Variants in FRMD4A observed in about 807,000 individuals in gnomAD.
FRMD4A encodes FERM domain-containing protein 4A.
Under a neutral mutation model 129.1 loss-of-function variants are expected in FRMD4A, and 29 were observed. That is an observed-to-expected ratio of 0.22 (90% CI 0.17 to 0.31). FRMD4A has a LOEUF of 0.31. Ranked by LOEUF, FRMD4A falls within the 10% of genes least tolerant of loss-of-function variation. The pLI, the probability that FRMD4A is intolerant of heterozygous loss-of-function variation, is 1.00. For synonymous variants in FRMD4A, 634 were observed against 571.6 expected (o/e 1.11, Z -1.56); for missense variants, 1,272 against 1,375.8 (o/e 0.92, Z 1.19).
At chr10:14,021,025 A>G (rs771602926) in intron 2 of FRMD4A, among the ~76,000 whole-genome samples, 2 of 152,112 alleles carry the variant, frequency 1.3e-5, no homozygotes, top group Non-Finnish European at 2.9e-5. Context: ...CTGAATCTTC[A>G]CCATGATCCT....
At chr10:14,169,264 G>A (rs968567176) in intron 2 of FRMD4A, among the ~76,000 whole-genome samples, 5 of 151,932 alleles carry the variant, frequency 3.3e-5, no homozygotes, top group East Asian at 3.9e-4. Flanking sequence ...CTGCCACTTC[G>A]ACTTCTGATT....
At chr10:13,797,199 CT>C (rs1283049359) in intron 4 of FRMD4A, among the ~76,000 whole-genome samples, 4 of 152,314 alleles carry the variant, frequency 2.6e-5, no homozygotes, top group Non-Finnish European at 4.4e-5. Context: ...CAGAACTCTC[CT>C]TCTTGTCCTG....
At chr10:14,085,977 T>C (rs1836247835) in intron 2 of FRMD4A, among the ~76,000 whole-genome samples, 2 of 152,232 alleles carry the variant, frequency 1.3e-5, no homozygotes, top group Non-Finnish European at 2.9e-5. Flanking sequence ...TCTTCCACTT[T>C]AATACGAGCG....
At chr10:13,728,570 A>ATTATTTTTTTTTTTTTTT (rs1386167455) in intron 12 of FRMD4A, among the ~76,000 whole-genome samples, 2 of 28,710 alleles carry the variant, frequency 7.0e-5, no homozygotes, top group Non-Finnish European at 8.4e-5. Flanking sequence ...GGTGATTACC[A>ATTATTTTTTTTTTTTTTT]TTCTTTTTTT....
At chr10:13,803,776 G>A (rs1005805361) in intron 4 of FRMD4A, among the ~76,000 whole-genome samples, 1 of 152,224 alleles carries the variant, frequency 6.6e-6, no homozygotes, top group Non-Finnish European at 1.5e-5. Flanking sequence ...ATAAATATTT[G>A]TTAAGAGAAT....
At chr10:13,797,381 C>A (rs549201059) in intron 4 of FRMD4A, among the ~76,000 whole-genome samples, 14 of 152,246 alleles carry the variant, frequency 9.2e-5, no homozygotes, top group African/African-American at 3.4e-4. Context: ...GCCTTTAATC[C>A]CAGCACTTTG....
Position 13,651,937 on chromosome 10 carries a change from C to G in FRMD4A, c.3088G>C (p.Glu1030Gln), listed in dbSNP as rs1343621577. 3 of 1,600,888 alleles carry G rather than the reference C, an allele frequency of 1.9e-6. No homozygotes were observed. The Admixed American group carries it at 5.0e-5, about 27-fold the overall frequency. The change falls in exon 24 of 25, where the codon GAG becomes CAG. Residue 1030 changes from glutamate (E) to glutamine (Q), a missense_variant. Physicochemically the swap from Glu to Gln is conservative, Grantham distance 29. Transcript: ENST00000357447. ...TENSPILDGS[E>Q]SPPHQSTDE is the part of the protein sequence containing the mutation. ...TCAGTACTTTGGTGAGGTGGAGACTCAGACCCATCCAGAATGGGTGAGTTT... is the reference window on the plus strand; with the variant it reads ...TCAGTACTTTGGTGAGGTGGAGACTGAGACCCATCCAGAATGGGTGAGTTT...
At chr10:13,667,850 G>A (rs2083184954) in intron 17 of FRMD4A, 1 of 152,208 alleles carries the variant, frequency 6.6e-6, no homozygotes, top group Non-Finnish European at 1.5e-5. Flanking sequence ...GTAAACCCAG[G>A]ACAAATGCAT....
At chr10:13,986,952 A>G (rs891163063) in intron 2 of FRMD4A, among the ~76,000 whole-genome samples, 1 of 152,018 alleles carries the variant, frequency 6.6e-6, no homozygotes, top group Admixed American at 6.6e-5. Flanking sequence ...CAGGGCATGG[A>G]AAAACATGTC....
At chr10:14,048,724 T>G (rs1834096613) in intron 2 of FRMD4A, among the ~76,000 whole-genome samples, 1 of 152,106 alleles carries the variant, frequency 6.6e-6, no homozygotes. Flanking sequence ...GATAATCGCT[T>G]GAACCTGGGA....
At chr10:14,105,217 A>G (rs11258866) in intron 2 of FRMD4A, among the ~76,000 whole-genome samples, 17,183 of 152,116 alleles carry the variant, frequency 0.11, 3,052 homozygotes, top group African/African-American at 0.38. Context: ...CTGACACCCA[A>G]TAAATTTATT....
At chr10:14,141,548 A>G (rs1398854124) in intron 2 of FRMD4A, among the ~76,000 whole-genome samples, 2 of 149,874 alleles carry the variant, frequency 1.3e-5, no homozygotes, top group Non-Finnish European at 3.0e-5. Flanking sequence ...CGTACATCAC[A>G]TTGCTCCACC....
intron 2 of FRMD4A, chr10:13,971,770 G>T: frequency 7.7e-7 from 1 of 1,304,360 alleles, no homozygotes; most frequent in Non-Finnish European, 1.0e-6. Flanking sequence ...TCCACGGTGG[G>T]TCCTCAGAGC....
chr10:13,890,756 C>T (rs1482709851), intron 2 of FRMD4A: 1 of 985,238 alleles, frequency 1.0e-6, no homozygotes, highest in African/African-American at 1.7e-5. Flanking sequence ...CCTTTGCGGG[C>T]ATTGGTTCTC....
At chr10:14,048,528 G>A (rs1442850709) in intron 2 of FRMD4A, among the ~76,000 whole-genome samples, 1 of 152,100 alleles carries the variant, frequency 6.6e-6, no homozygotes, top group Non-Finnish European at 1.5e-5. Context: ...TGGGTGGGCC[G>A]GGTGTGGTGG....
chr10:14,139,421 T>A (rs1200978495), intron 2 of FRMD4A, among the ~76,000 whole-genome samples: 1 of 147,012 alleles, frequency 6.8e-6, no homozygotes, highest in African/African-American at 2.5e-5. Context: ...ATAAATCCTA[T>A]CAAAAACATA....
chr10:14,263,222 G>T (rs771310392), intron 2 of FRMD4A, among the ~76,000 whole-genome samples: 6 of 152,200 alleles, frequency 3.9e-5, no homozygotes, highest in Non-Finnish European at 8.8e-5. Flanking sequence ...CGGTGGCCCA[G>T]CTTGGTTCCC....
Position 13,651,951 on chromosome 10 carries a change from A to ATGGG in FRMD4A, c.3070_3073dup (p.Ile1025ThrfsTer7). 6.3e-7 allele frequency: 1 copy of ATGGG among 1,597,054 alleles called. No individual in the cohort carries two copies. Among genetic ancestry groups the ATGGG allele is most frequent in the Non-Finnish European group, 8.6e-7 (1 of 1,164,452 alleles). On this transcript the variant is annotated frameshift_variant, in exon 24 of 25. Coordinates refer to ENST00000357447, the MANE Select transcript of FRMD4A (RefSeq NM_018027.5). LOFTEE classifies it high-confidence loss of function. ...AGGTGGAGACTCAGACCCATCCAGAATGGGTGAGTTTTCTGTTGCTTCTCT... is the reference window on the plus strand; with the variant it reads ...AGGTGGAGACTCAGACCCATCCAGAATGGGTGGGTGAGTTTTCTGTTGCTTCTCT...
At chr10:14,308,336 G>T (rs1846421686) in intron 2 of FRMD4A, among the ~76,000 whole-genome samples, 1 of 152,176 alleles carries the variant, frequency 6.6e-6, no homozygotes, top group African/African-American at 2.4e-5. Flanking sequence ...TTTGCACAAA[G>T]AAAATTTACA....
Sources: gnomAD v4.1 joint callset for allele counts (sites outside exome capture counted in the v4.1 genomes callset) on GRCh38, gnomAD v4.1.1 for gene constraint, MANE v1.5 for transcripts, NCBI Gene and HGNC (gene_info 2026-07-23, HGNC 2026-07-21) for gene names.